COL24A1: variants seen among roughly 807,000 people sequenced by gnomAD.
COL24A1 encodes collagen alpha-1(XXIV) chain.
A neutral mutation model predicts 253.9 loss-of-function variants in COL24A1; 224 were observed. The ratio of observed to expected loss-of-function variants is 0.88; its 90% CI spans 0.79 to 0.99. The LOEUF (loss-of-function observed/expected upper bound fraction) is 0.99. Ranked by LOEUF, COL24A1 falls within the 50% of genes least tolerant of loss-of-function variation. The pLI, the probability that COL24A1 is intolerant of heterozygous loss-of-function variation, is 0.00. For synonymous variants in COL24A1, 685 were observed against 673.7 expected (o/e 1.02, Z -0.26); for missense variants, 2,131 against 2,068.5 (o/e 1.03, Z -0.59).
intron 18 of COL24A1, among the ~76,000 whole-genome samples, 154 bp from the exon 19 acceptor site, chr1:86,017,358 A>T (rs1443550675): frequency 2.0e-5 from 3 of 152,220 alleles, no homozygotes; most frequent in Non-Finnish European, 4.4e-5. Context: ...TGTAACCATC[A>T]TTACTGTAAA....
At chr1:85,885,501 G>A (rs746948582) in intron 32 of COL24A1, among the ~76,000 whole-genome samples, 2 of 151,534 alleles carry the variant, frequency 1.3e-5, no homozygotes, top group Non-Finnish European at 2.9e-5. Flanking sequence ...GTTTACAGGT[G>A]TGAGCCACCG....
chr1:85,950,961 C>T (rs1359415), intron 24 of COL24A1, among the ~76,000 whole-genome samples: 17,725 of 152,196 alleles, frequency 0.12, 1,189 homozygotes, highest in South Asian at 0.28. Flanking sequence ...CAGTACAGTT[C>T]TGCAAACGCT....
intron 14 of COL24A1, among the ~76,000 whole-genome samples, chr1:86,025,765 T>C (rs779645276): frequency 3.3e-5 from 5 of 152,198 alleles, no homozygotes; most frequent in Non-Finnish European, 7.4e-5. Context: ...CTTCCTATGC[T>C]ACAATCCCAC....
At chr1:85,961,059 T>C (rs1691007124) in intron 24 of COL24A1, among the ~76,000 whole-genome samples, 190 bp downstream of exon 24, 1 of 152,096 alleles carries the variant, frequency 6.6e-6, no homozygotes, top group South Asian at 2.1e-4. Context: ...CAATTGTGTT[T>C]TCTCTCTTTT....
intron 19 of COL24A1, among the ~76,000 whole-genome samples, chr1:85,999,722 G>C (rs1361272798): frequency 6.6e-6 from 1 of 152,146 alleles, no homozygotes; most frequent in African/African-American, 2.4e-5. Flanking sequence ...TCTCCTTGTA[G>C]ATAATAGTTA....
chr1:85,882,995 T>C (rs1022057724), intron 32 of COL24A1, among the ~76,000 whole-genome samples: 14 of 152,188 alleles, frequency 9.2e-5, no homozygotes, highest in African/African-American at 3.1e-4. Context: ...CAACATACAA[T>C]TGGGTTTTGC....
In COL24A1 at chr1:85,789,718, A is replaced by T. The variant is rs574374687; in HGVS notation, c.3952-3257T>A. ...TAAAAGGCTCTTATTATTTTGAGGT[A>T]TGTTCTGTCAATACCTAGTTTATTG... On this transcript the variant is annotated intron_variant, in intron 47 of 59. Transcript: ENST00000370571. 2.0e-5 allele frequency among the ~76,000 whole-genome samples: 3 copies of T among 152,230 alleles called. No homozygotes were observed. The South Asian group carries it at 6.2e-4, about 32-fold the overall frequency.
intron 53 of COL24A1, among the ~76,000 whole-genome samples, chr1:85,769,797 T>A (rs151310746): frequency 6.6e-6 from 1 of 152,308 alleles, no homozygotes; most frequent in Non-Finnish European, 1.5e-5. Flanking sequence ...GGGGATAGCA[T>A]GACTGGTACC....
chr1:86,089,108 C>T, intron 7 of COL24A1, 66 bp downstream of exon 7: 1 of 1,319,692 alleles, frequency 7.6e-7, no homozygotes, highest in South Asian at 1.4e-5. Flanking sequence ...ACAGGTATCC[C>T]TGAAGAAAAA....
intron 37 of COL24A1, among the ~76,000 whole-genome samples, chr1:85,866,568 G>A (rs1437059317): frequency 1.3e-5 from 2 of 152,012 alleles, no homozygotes; most frequent in African/African-American, 4.8e-5. Flanking sequence ...GAGGTCAGGA[G>A]TTTGAGACCA....
At chr1:86,017,503 A>G (rs1697113791) in intron 18 of COL24A1, among the ~76,000 whole-genome samples, 1 of 152,234 alleles carries the variant, frequency 6.6e-6, no homozygotes, top group South Asian at 2.1e-4. Context: ...AGATAAGACA[A>G]TAAAGCTGGA....
rs529304334 is a variant in COL24A1, at chr1:85,748,514, A to C, written c.4438-3008T>G. 3.0e-4 allele frequency among the ~76,000 whole-genome samples: 45 copies of C among 152,342 alleles called. No homozygotes were observed. The Middle Eastern group carries it at 0.01, about 35-fold the overall frequency. The stretch of plus-strand genomic sequence containing the variant: ...AATAAAACCATGTCTTTAGAACTAA[A>C]GGACAGAGGGAGGAGCCAAGATGGC... On this transcript the variant is annotated intron_variant, in intron 55 of 59. Coordinates refer to ENST00000370571, the MANE Select transcript of COL24A1 (RefSeq NM_152890.7).
intron 47 of COL24A1, among the ~76,000 whole-genome samples, chr1:85,794,232 A>G (rs1670590950): frequency 6.6e-6 from 1 of 152,118 alleles, no homozygotes; most frequent in South Asian, 2.1e-4. Context: ...GATACCTCAA[A>G]ATTGCATAAT....
chr1:86,047,537 T>C (rs1699996303), intron 11 of COL24A1, among the ~76,000 whole-genome samples: 1 of 152,136 alleles, frequency 6.6e-6, no homozygotes, highest in Non-Finnish European at 1.5e-5. Context: ...TCTTCATCTA[T>C]GATGAGAAGA....
chr1:86,142,897 T>A (rs1651363090), intron 2 of COL24A1, among the ~76,000 whole-genome samples: 1 of 152,108 alleles, frequency 6.6e-6, no homozygotes, highest in African/African-American at 2.4e-5. Context: ...AAATAGATGA[T>A]CTTAAGGGAT....
intron 19 of COL24A1, among the ~76,000 whole-genome samples, chr1:85,996,183 T>C (rs1027354454): frequency 7.2e-5 from 11 of 152,168 alleles, no homozygotes; most frequent in Non-Finnish European, 1.2e-4. Context: ...AGGCAACAGT[T>C]GGTAATAATT....
At chr1:86,023,089 G>T (rs2101366257) in intron 14 of COL24A1, 82 bp from the exon 15 acceptor site, 1 of 1,365,406 alleles carries the variant, frequency 7.3e-7, no homozygotes, top group South Asian at 1.3e-5. Context: ...ATAAATTAAT[G>T]AACCCAAAAC....
intron 47 of COL24A1, among the ~76,000 whole-genome samples, chr1:85,799,407 C>T (rs967306612): frequency 8.4e-6 from 1 of 118,748 alleles, no homozygotes; most frequent in African/African-American, 3.1e-5. Flanking sequence ...AAAAAAAAAA[C>T]CAATGGAAAG....
intron 8 of COL24A1, among the ~76,000 whole-genome samples, chr1:86,060,956 T>C (rs890488579): frequency 6.6e-6 from 1 of 151,998 alleles, no homozygotes; most frequent in African/African-American, 2.4e-5. Context: ...CCAGGCACTA[T>C]TTCAAGTATT....
Sources: gnomAD v4.1 joint callset for allele counts (sites outside exome capture counted in the v4.1 genomes callset) on GRCh38, gnomAD v4.1.1 for gene constraint, MANE v1.5 for transcripts, NCBI Gene and HGNC (gene_info 2026-07-23, HGNC 2026-07-21) for gene names.